Variants in NBEAL1 observed in about 807,000 individuals in gnomAD.
NBEAL1 encodes the protein neurobeachin-like protein 1.
In NBEAL1, 273 loss-of-function variants were observed where a neutral mutation model predicts 351.3. The ratio of observed to expected loss-of-function variants is 0.78; its 90% CI spans 0.70 to 0.86. NBEAL1 has a LOEUF of 0.86. Ranked by LOEUF, NBEAL1 falls within the 40% of genes least tolerant of loss-of-function variation. The pLI is 0.00. For synonymous variants in NBEAL1, 1,050 were observed against 1,086.4 expected (o/e 0.97, Z 0.66); for missense variants, 2,961 against 3,201.3 (o/e 0.92, Z 1.81).
chr2:203,166,365 T>C, intron 37 of NBEAL1, 68 bp downstream of exon 37: 1 of 1,411,624 alleles, frequency 7.1e-7, no homozygotes, highest in Non-Finnish European at 9.7e-7. Context: ...CAATCATGAA[T>C]GAGAAGAAGA....
At chr2:203,129,596 A>G (rs1170759863) in intron 24 of NBEAL1, among the ~76,000 whole-genome samples, 3 of 152,234 alleles carry the variant, frequency 2.0e-5, no homozygotes, top group Non-Finnish European at 2.9e-5. Flanking sequence ...ACACAATAAT[A>G]TTAGACATTA....
chr2:203,166,417 A>G lies in NBEAL1; in HGVS notation c.5863+120A>G, dbSNP rs1273480801. On this transcript the variant is annotated intron_variant, in intron 37 of 55. Coordinates refer to ENST00000683969, the MANE Select transcript of NBEAL1 (RefSeq NM_001378026.1). The stretch of plus-strand genomic sequence containing the variant: ...CTATCATGTGAAGGGAGAAATGGAA[A>G]GTCAGTAAGGGGTCAAATTTGTTAT... 14 of 917,672 alleles carry G rather than the reference A, an allele frequency of 1.5e-5. No individual in the cohort carries two copies. The Admixed American group carries it at 4.8e-4, about 31-fold the overall frequency. The allele number at this position is 917,672 out of a possible 1,614,324, so 56.8% of individuals were successfully genotyped here. A position where few individuals can be genotyped will look rare whatever the true frequency, so the allele number is the denominator to read the frequency against.
At chr2:203,076,482 C>A (rs12993124) in intron 7 of NBEAL1, among the ~76,000 whole-genome samples, 910 of 4,522 alleles carry the variant, frequency 0.2, 21 homozygotes, top group Admixed American at 0.27. Context: ...GTCTCAAAAA[C>A]AAACAAACAA....
At chr2:203,038,632 C>A (rs892127717) in intron 2 of NBEAL1, among the ~76,000 whole-genome samples, 9 of 148,902 alleles carry the variant, frequency 6.0e-5, no homozygotes, top group African/African-American at 1.9e-4. Context: ...GTTTGTCTTT[C>A]CATTTTCTTT....
intron 17 of NBEAL1, among the ~76,000 whole-genome samples, chr2:203,114,989 T>G (rs184604625): frequency 3.3e-5 from 5 of 152,330 alleles, no homozygotes; most frequent in Admixed American, 3.3e-4. Context: ...TGGCCTCAAG[T>G]GATCCTCCCA....
At chr2:203,123,877 A>G (rs1449167850) in intron 19 of NBEAL1, among the ~76,000 whole-genome samples, 1 of 152,222 alleles carries the variant, frequency 6.6e-6, no homozygotes, top group Non-Finnish European at 1.5e-5. Context: ...GAAATCAAAA[A>G]GCAACAGATT....
intron 35 of NBEAL1, among the ~76,000 whole-genome samples, chr2:203,155,846 AATG>A (rs1334650498): frequency 6.6e-6 from 1 of 152,002 alleles, no homozygotes; most frequent in East Asian, 1.9e-4. Context: ...CACACCTTTA[AATG>A]ATGATGTTCC....
chr2:203,145,595 C>T lies in NBEAL1; in HGVS notation c.5304+435C>T, dbSNP rs1315864050. Among the ~76,000 whole-genome samples, 4 of 151,942 alleles carry T rather than the reference C, an allele frequency of 2.6e-5. No individual in the cohort carries two copies. In the East Asian group the frequency reaches 7.8e-4, roughly 29 times the overall value. ...GATGGATCACCTGAGATGAGGAGTT[C>T]GAGACCAGCCTGGCCAACATGGCGA... On this transcript the variant is annotated intron_variant, in intron 33 of 55. Coordinates refer to ENST00000683969, the MANE Select transcript of NBEAL1 (RefSeq NM_001378026.1).
At chr2:203,024,651 C>T (rs2060825840) in intron 2 of NBEAL1, among the ~76,000 whole-genome samples, 1 of 151,824 alleles carries the variant, frequency 6.6e-6, no homozygotes, top group Non-Finnish European at 1.5e-5. Context: ...TCACTTGAGG[C>T]CAGGAGTTCG....
At chr2:203,112,224 A>G in intron 16 of NBEAL1, 126 bp downstream of exon 16, 1 of 925,092 alleles carries the variant, frequency 1.1e-6, no homozygotes, top group Non-Finnish European at 1.6e-6. Context: ...TTTTCTATGT[A>G]GTAAGACTCC....
At chr2:203,049,146 A>G (rs936436619) in intron 3 of NBEAL1, among the ~76,000 whole-genome samples, 2 of 152,206 alleles carry the variant, frequency 1.3e-5, no homozygotes, top group Non-Finnish European at 2.9e-5. Flanking sequence ...AGCTGGGACG[A>G]ATTTATAAAT....
intron 48 of NBEAL1, among the ~76,000 whole-genome samples, chr2:203,197,792 C>G (rs538720726): frequency 2.0e-5 from 3 of 152,094 alleles, no homozygotes; most frequent in South Asian, 2.1e-4. Context: ...GCCTGTAATT[C>G]CAGCTACTTG....
chr2:203,147,946 A>G (rs1371064516), intron 33 of NBEAL1, among the ~76,000 whole-genome samples: 2 of 151,960 alleles, frequency 1.3e-5, no homozygotes, highest in African/African-American at 4.8e-5. Context: ...TTTTCTAGAA[A>G]TACCTAATTT....
At chr2:203,103,257 G>T (rs1311022794) in intron 12 of NBEAL1, among the ~76,000 whole-genome samples, 1 of 151,510 alleles carries the variant, frequency 6.6e-6, no homozygotes, top group East Asian at 1.9e-4. Context: ...TCAACTCCTG[G>T]AATTGTTGAT....
Position 203,199,378 on chromosome 2 carries a change from G to T in NBEAL1, c.7169G>T (p.Trp2390Leu). 1 of 1,607,190 alleles carries T rather than the reference G, an allele frequency of 6.2e-7. No homozygotes were observed. Among genetic ancestry groups the T allele is most frequent in the Non-Finnish European group, 8.5e-7 (1 of 1,174,534 alleles). Reference protein sequence around the residue: ...SMNYVIGTHGWLPYDRNISNY... With the variant: ...SMNYVIGTHGLLPYDRNISNY... The stretch of plus-strand genomic sequence containing the variant: ...AATTATGTTATTGGAACCCATGGAT[G>T]GTTGCCTTATGACAGAAACATTTCT... Residue 2390 changes from tryptophan (W) to leucine (L), a missense_variant, in exon 49 of 56, where the codon TGG (tryptophan) becomes TTG (leucine). Coordinates refer to ENST00000683969, the MANE Select transcript of NBEAL1 (RefSeq NM_001378026.1).
At chr2:203,129,742 C>G (rs987584530) in intron 24 of NBEAL1, among the ~76,000 whole-genome samples, 1 of 152,082 alleles carries the variant, frequency 6.6e-6, no homozygotes, top group Non-Finnish European at 1.5e-5. Flanking sequence ...ATGAGGTTTT[C>G]CCAAGAGGGT....
intron 3 of NBEAL1, among the ~76,000 whole-genome samples, chr2:203,046,785 T>C (rs2061234002): frequency 6.6e-6 from 1 of 152,196 alleles, no homozygotes; most frequent in South Asian, 2.1e-4. Context: ...CTTCATACTA[T>C]TGCATTGGGA....
At chr2:203,200,470 G>A (rs1402823640) in intron 49 of NBEAL1, among the ~76,000 whole-genome samples, 2 of 152,052 alleles carry the variant, frequency 1.3e-5, no homozygotes, top group Admixed American at 6.6e-5. Flanking sequence ...CCGAGATAAC[G>A]CCACTGCACT....
intron 1 of NBEAL1, among the ~76,000 whole-genome samples, chr2:203,015,509 G>T (rs1243563071): frequency 1.3e-5 from 2 of 151,096 alleles, no homozygotes; most frequent in Non-Finnish European, 2.9e-5. Context: ...CGCCCAGACT[G>T]GAGTGCAGTG....
Sources: allele counts gnomAD v4.1 joint callset (sites outside exome capture counted in the v4.1 genomes callset), GRCh38; gene constraint gnomAD v4.1.1; transcripts MANE v1.5; gene names NCBI Gene and HGNC (gene_info 2026-07-23, HGNC 2026-07-21).